Variants in AXL observed in about 807,000 individuals in gnomAD.
AXL encodes tyrosine-protein kinase receptor UFO.
AXL carries 52 observed loss-of-function variants against 104.5 expected under a neutral mutation model. That is an observed-to-expected ratio of 0.50 (90% CI 0.40 to 0.63). AXL has a LOEUF of 0.63. AXL is among the 20% of genes least tolerant of loss of function. AXL has a pLI of 0.00. For missense variants in AXL, 1,024 were observed against 1,188.5 expected (o/e 0.86, Z 2.04); for synonymous variants, 455 against 473.7 (o/e 0.96, Z 0.51).
At position 41,252,889 on chromosome 19, in the gene AXL, T is replaced by C; in HGVS notation, c.1848T>C (p.Pro616=). ...CTGAACGAGAGAGCTTCCCAGCACCTGTGGTCATCTTACCTTTCATGAAAC... is the reference window on the plus strand; with the variant it reads ...CTGAACGAGAGAGCTTCCCAGCACCCGTGGTCATCTTACCTTTCATGAAAC... The part of the protein sequence containing the change: ...QGSERESFPA[P]VVILPFMKHG... The change falls in exon 16 of 20, where the codon CCT becomes CCC. Residue 616 remains proline, a synonymous_variant. Transcript: ENST00000301178. 2 of 1,614,156 alleles carry C rather than the reference T, an allele frequency of 1.2e-6. No individual in the cohort carries two copies. Among genetic ancestry groups the C allele is most frequent in the South Asian group, 1.1e-5 (1 of 91,080 alleles).
chr19:41,220,477 C>CTCCGCCCTCAGAGGG (rs2033769029), intron 1 of AXL, 159 bp from the exon 2 acceptor site: 6 of 630,676 alleles, frequency 9.5e-6, no homozygotes, highest in Admixed American at 3.0e-5. Context: ...CCTCTCAGAG[C>CTCCGCCCTCAGAGGG]CTCCGCCCTC....
intron 5 of AXL, 57 bp downstream of exon 5, chr19:41,231,104 G>A (rs1245074813): frequency 6.2e-7 from 1 of 1,611,570 alleles, no homozygotes; most frequent in Non-Finnish European, 8.5e-7. Context: ...TGGGTCCGGG[G>A]TCAGAGTGGG....
At position 41,248,522 on chromosome 19, in the gene AXL, C is replaced by A. The variant is rs17853029; in HGVS notation, c.1546C>A (p.Leu516Met). ...CCCAACCTTGCATGCAGTGAACAGC[C>A]TGGGCATCAGTGAAGAGCTGAAGGA... ...RRTTEATLNS[L>M]GISEELKEKL... Residue 516 changes from leucine (L) to methionine (M), a missense_variant, in exon 13 of 20, where the codon CTG becomes ATG. Physicochemically the swap from Leu to Met is conservative, Grantham distance 15. Around this residue, in one of 5 missense-constraint regions of AXL, gnomAD observed 523 missense variants for 636.0 expected, o/e 0.82. Transcript: ENST00000301178. 6.2e-7 allele frequency: 1 copy of A among 1,614,098 alleles called. No homozygotes were observed. Among genetic ancestry groups the A allele is most frequent in the Admixed American group, 1.7e-5 (1 of 59,996 alleles).
chr19:41,223,895 G>A (rs193133607), intron 4 of AXL, among the ~76,000 whole-genome samples: 2 of 152,080 alleles, frequency 1.3e-5, no homozygotes, highest in African/African-American at 4.8e-5. Context: ...CTGAGTGTTA[G>A]TGTATCCGTC....
At chr19:41,255,458 T>G (rs2034438455) in intron 17 of AXL, among the ~76,000 whole-genome samples, 1 of 151,856 alleles carries the variant, frequency 6.6e-6, no homozygotes, top group Admixed American at 6.6e-5. Context: ...TCTTTTTTGT[T>G]TTGACAGAGT....
chr19:41,237,800 C>T, intron 6 of AXL, 144 bp from the exon 7 acceptor site: 1 of 748,072 alleles, frequency 1.3e-6, no homozygotes, highest in Non-Finnish European at 2.2e-6. Flanking sequence ...ATCCAGGTGC[C>T]CGTGTTATCC....
Position 41,252,874 on chromosome 19 carries a change from G to C in AXL, c.1833G>C (p.Glu611Asp). 1 of 1,614,142 alleles carries C rather than the reference G, an allele frequency of 6.2e-7. No homozygotes were observed. The highest frequency in any genetic ancestry group is 1.1e-5 in the South Asian group (1 of 91,074). Residue 611 changes from glutamate to aspartate, a missense_variant, in exon 16 of 20, where the codon GAG (glutamate) becomes GAC (aspartate). Transcript: ENST00000301178. ...TCTGTTTCCAGGGTTCTGAACGAGA[G>C]AGCTTCCCAGCACCTGTGGTCATCT... The part of the protein sequence containing the change: ...IGVCFQGSER[E>D]SFPAPVVILP...
At position 41,248,614 on chromosome 19, in the gene AXL, GT is replaced by G; in HGVS notation, c.1633+6del. The G allele has an allele frequency of 6.2e-7, 1 of 1,613,990 alleles. No individual in the cohort carries two copies. The highest frequency in any genetic ancestry group is 2.2e-5 in the East Asian group (1 of 44,870). ...TGGGGAAGACTCTGGGAGAGGGTGA[GT>G]CCCCCGGCAGCATACACACATCCTT... On this transcript the variant is annotated splice_donor_region_variant and intron_variant, in intron 13 of 19. Transcript: ENST00000301178.
chr19:41,253,800 G>C (rs2122281643), intron 17 of AXL, 92 bp downstream of exon 17: 1 of 1,062,000 alleles, frequency 9.4e-7, no homozygotes, highest in South Asian at 1.4e-5. Flanking sequence ...AGCAGGGCTA[G>C]ACACCCGCTG....
chr19:41,248,689 A>T, intron 13 of AXL, 54 bp from the exon 14 acceptor site: 4 of 1,612,558 alleles, frequency 2.5e-6, no homozygotes, highest in Non-Finnish European at 3.4e-6. Context: ...AACTATAGGA[A>T]ATACAGTCCC....
Position 41,257,489 on chromosome 19 carries a change from A to G in AXL, c.2197-4A>G. On this transcript the variant is annotated splice_region_variant and splice_polypyrimidine_tract_variant and intron_variant, in intron 18 of 19. Coordinates refer to ENST00000301178, the MANE Select transcript of AXL (RefSeq NM_021913.5). ...GACTGTCTAATTCCCTCTGCCCCTCACAGTGGTCCTTCGGGGTGACAATGT... is the reference window on the plus strand; with the variant it reads ...GACTGTCTAATTCCCTCTGCCCCTCGCAGTGGTCCTTCGGGGTGACAATGT... 1 of 1,614,142 alleles carries G rather than the reference A, an allele frequency of 6.2e-7. No individual in the cohort carries two copies. The highest frequency in any genetic ancestry group is 8.5e-7 in the Non-Finnish European group (1 of 1,180,020).
intron 4 of AXL, 136 bp from the exon 5 acceptor site, chr19:41,230,831 C>T: frequency 2.3e-6 from 2 of 858,384 alleles, no homozygotes; most frequent in South Asian, 2.9e-5. Flanking sequence ...CTCTGCTAAC[C>T]CTCCCTTCAG....
At chr19:41,220,147 T>G (rs1237548987) in intron 1 of AXL, among the ~76,000 whole-genome samples, 1 of 149,484 alleles carries the variant, frequency 6.7e-6, no homozygotes, top group Non-Finnish European at 1.5e-5. Flanking sequence ...TTGAGGGCTG[T>G]TTCTTCATTT....
chr19:41,242,697 C>A (rs2034204403), intron 10 of AXL, among the ~76,000 whole-genome samples, 186 bp from the exon 11 acceptor site: 1 of 152,142 alleles, frequency 6.6e-6, no homozygotes. Context: ...GCACTTGTAT[C>A]ACATCCATTG....
At chr19:41,245,398 A>G (rs2034254928) in intron 12 of AXL, among the ~76,000 whole-genome samples, 1 of 152,248 alleles carries the variant, frequency 6.6e-6, no homozygotes, top group Admixed American at 6.5e-5. Flanking sequence ...GCAAGGTCTC[A>G]GCCGAGGAGG....
chr19:41,223,285 ACT>A (rs2033825446), intron 4 of AXL, among the ~76,000 whole-genome samples: 1 of 152,146 alleles, frequency 6.6e-6, no homozygotes, highest in Non-Finnish European at 1.5e-5. Flanking sequence ...ACAGAGCAAG[ACT>A]CTGTCTCAAA....
At chr19:41,232,842 C>T (rs1389302450) in intron 6 of AXL, among the ~76,000 whole-genome samples, 1 of 152,032 alleles carries the variant, frequency 6.6e-6, no homozygotes, top group Non-Finnish European at 1.5e-5. Flanking sequence ...TTAACGCACA[C>T]CTGCTCGTGT....
chr19:41,254,173 C>T (rs1324853853), intron 17 of AXL, among the ~76,000 whole-genome samples: 2 of 151,564 alleles, frequency 1.3e-5, no homozygotes, highest in Non-Finnish European at 1.5e-5. Flanking sequence ...GAGTCCGAGG[C>T]GGGTGGATCA....
chr19:41,248,636 T>A (rs1283453142), intron 13 of AXL, 27 bp downstream of exon 13: 5 of 1,612,938 alleles, frequency 3.1e-6, no homozygotes, highest in African/African-American at 1.3e-5. Flanking sequence ...CATACACACA[T>A]CCTTCTGAAC....
Sources: allele counts gnomAD v4.1 joint callset (sites outside exome capture counted in the v4.1 genomes callset), GRCh38; gene constraint gnomAD v4.1.1; regional missense constraint gnomAD v4.1.1; transcripts MANE v1.5; gene names NCBI Gene and HGNC (gene_info 2026-07-23, HGNC 2026-07-21).